ESRRG: variants seen among roughly 807,000 people sequenced by gnomAD.
ESRRG encodes estrogen related receptor gamma, also known as estrogen-related receptor gamma.
A neutral mutation model predicts 44.0 loss-of-function variants in ESRRG; 13 were observed. The observed-to-expected ratio is 0.30, with a 90% CI of 0.19 to 0.47. The LOEUF (loss-of-function observed/expected upper bound fraction) is 0.47. Ranked by LOEUF, ESRRG falls within the 20% of genes least tolerant of loss-of-function variation. The pLI is 1.00. For missense variants in ESRRG, 395 were observed against 580.6 expected, an observed-to-expected ratio of 0.68 and a Z score of 3.29; for synonymous variants, 215 against 214.6, an observed-to-expected ratio of 1.00 and a Z score of -0.02.
chr1:216,788,643 T>C (rs540185923), intron 2 of ESRRG, among the ~76,000 whole-genome samples: 1 of 152,154 alleles, frequency 6.6e-6, no homozygotes, highest in East Asian at 1.9e-4. Flanking sequence ...ATTTCAACTT[T>C]CAGGTCATTA....
intron 1 of ESRRG, among the ~76,000 whole-genome samples, chr1:217,121,482 AG>A (rs1010166371): frequency 1.3e-5 from 2 of 152,224 alleles, no homozygotes; most frequent in Non-Finnish European, 2.9e-5. Flanking sequence ...GTGACCAGTT[AG>A]GTGGCCATCC....
intron 2 of ESRRG, among the ~76,000 whole-genome samples, chr1:216,857,473 C>T (rs1264595404): frequency 4.6e-5 from 7 of 152,034 alleles, no homozygotes; most frequent in African/African-American, 1.7e-4. Context: ...ACTCCTATTG[C>T]CTGCAGGTTT....
At chr1:216,686,405 G>A (rs1162200810) in intron 1 of ESRRG, among the ~76,000 whole-genome samples, 1 of 137,650 alleles carries the variant, frequency 7.3e-6, no homozygotes, top group Non-Finnish European at 1.5e-5. Context: ...AAATGACTAA[G>A]GATTTATTTT....
At position 216,503,910 on chromosome 1, in the gene ESRRG, A is replaced by T. The variant is rs1291791933; in HGVS notation, c.*3029T>A. 1 of 152,540 alleles carries T rather than the reference A, an allele frequency of 6.6e-6. No individual in the cohort carries two copies. The highest frequency in any genetic ancestry group is 1.5e-5 in the Non-Finnish European group (1 of 67,980). 9.4% of individuals were successfully genotyped at this position (152,540 alleles called of 1,614,324 possible). ...CCTTTATAACTTTCCAAAACTTCAC[A>T]TTAAGTAAATGGTCTTGCTTGAAAC... On this transcript the variant is annotated 3_prime_UTR_variant, in exon 7 of 7. Coordinates refer to ENST00000408911, the MANE Select transcript of ESRRG (RefSeq NM_001438.4).
chr1:217,095,129 A>G (rs830310), intron 1 of ESRRG, among the ~76,000 whole-genome samples: 63,590 of 152,070 alleles, frequency 0.42, 14,603 homozygotes, highest in East Asian at 0.56. Flanking sequence ...GTTAAGAACC[A>G]CTGATGTAAG....
chr1:217,040,569 T>TGA (rs1337265680), intron 1 of ESRRG, among the ~76,000 whole-genome samples: 2 of 152,208 alleles, frequency 1.3e-5, no homozygotes, highest in African/African-American at 4.8e-5. Context: ...TTTATGCTGA[T>TGA]GACTGTTTTA....
intron 2 of ESRRG, among the ~76,000 whole-genome samples, chr1:216,924,336 G>T (rs376221018): frequency 2.6e-5 from 4 of 152,084 alleles, no homozygotes; most frequent in African/African-American, 9.7e-5. Flanking sequence ...TGAAAGGGGA[G>T]GCCAAAAGCA....
At chr1:216,648,745 A>G (rs974054278) in intron 3 of ESRRG, among the ~76,000 whole-genome samples, 2 of 152,188 alleles carry the variant, frequency 1.3e-5, no homozygotes, top group Admixed American at 1.3e-4. Flanking sequence ...ACCTAAATAT[A>G]GATCAATACC....
intron 2 of ESRRG, among the ~76,000 whole-genome samples, chr1:216,734,408 G>A (rs1393946425): frequency 2.0e-5 from 3 of 152,120 alleles, no homozygotes; most frequent in Middle Eastern, 3.2e-3. Flanking sequence ...GAATGGCTTG[G>A]TGCTGTCCTC....
chr1:216,635,570 C>G (rs2065126283), intron 3 of ESRRG, among the ~76,000 whole-genome samples: 1 of 152,038 alleles, frequency 6.6e-6, no homozygotes, highest in African/African-American at 2.4e-5. Flanking sequence ...TTAGCAATGT[C>G]CGGATGAGAA....
rs1165754725 is a variant in ESRRG, at chr1:216,561,175, T to C, written c.862+3044A>G. On this transcript the variant is annotated intron_variant, in intron 5 of 6. Transcript: ENST00000408911. The stretch of plus-strand genomic sequence containing the variant: ...TTCCATATGTATTTTCTTCAATAGC[T>C]TCTTTTGTTGTATCCTTCACTTTCT... Among the ~76,000 whole-genome samples, 7 of 152,298 alleles carry C rather than the reference T, an allele frequency of 4.6e-5. No individual in the cohort carries two copies. The East Asian group carries it at 1.4e-3, about 29-fold the overall frequency.
chr1:216,895,121 A>G (rs1241769467), intron 2 of ESRRG, among the ~76,000 whole-genome samples: 1 of 152,130 alleles, frequency 6.6e-6, no homozygotes, highest in East Asian at 1.9e-4. Context: ...CATCCATATT[A>G]GTTTTATTTT....
chr1:216,570,916 A>T (rs1489520192), intron 3 of ESRRG, among the ~76,000 whole-genome samples: 1 of 152,244 alleles, frequency 6.6e-6, no homozygotes, highest in East Asian at 1.9e-4. Flanking sequence ...TGAACAAAAC[A>T]CTACATATTC....
At chr1:216,549,760 T>C (rs1021236177) in intron 5 of ESRRG, among the ~76,000 whole-genome samples, 1 of 152,102 alleles carries the variant, frequency 6.6e-6, no homozygotes, top group Non-Finnish European at 1.5e-5. Context: ...AAATAAAGTT[T>C]TTGTTCACAT....
intron 2 of ESRRG, among the ~76,000 whole-genome samples, chr1:216,656,376 G>A (rs2070579609): frequency 6.6e-6 from 1 of 152,166 alleles, no homozygotes; most frequent in African/African-American, 2.4e-5. Context: ...TTTTAAACCA[G>A]GCTGACAAGA....
intron 2 of ESRRG, among the ~76,000 whole-genome samples, chr1:216,662,575 C>T (rs2151254132): frequency 6.6e-6 from 1 of 152,100 alleles, no homozygotes; most frequent in African/African-American, 2.4e-5. Flanking sequence ...GCCTCGCATC[C>T]CCCAGGAAGA....
intron 3 of ESRRG, among the ~76,000 whole-genome samples, chr1:216,634,894 G>A (rs1283740633): frequency 2.6e-5 from 4 of 152,142 alleles, no homozygotes. Flanking sequence ...AAGAATCCAA[G>A]TTTTAAGGGG....
At chr1:216,787,543 C>T (rs1341914794) in intron 2 of ESRRG, among the ~76,000 whole-genome samples, 1 of 135,748 alleles carries the variant, frequency 7.4e-6, no homozygotes, top group Non-Finnish European at 1.5e-5. Flanking sequence ...GCAGAGGTTG[C>T]AGTGAGAGAG....
At chr1:217,106,389 TATGCACACACACAC>T (rs1418530267) in intron 1 of ESRRG, among the ~76,000 whole-genome samples, 16 of 145,254 alleles carry the variant, frequency 1.1e-4, no homozygotes, top group South Asian at 4.4e-4. Flanking sequence ...CACACTCACA[TATGCACACACACAC>T]ACACACACAC....
Sources: allele counts gnomAD v4.1 joint callset (sites outside exome capture counted in the v4.1 genomes callset), GRCh38; gene constraint gnomAD v4.1.1; transcripts MANE v1.5; gene names NCBI Gene and HGNC (gene_info 2026-07-23, HGNC 2026-07-21).